The following CEP76 variants were observed in gnomAD, a reference collection of about 807,000 sequenced individuals.
CEP76 encodes centrosomal protein of 76 kDa.
CEP76 carries 55 observed loss-of-function variants against 83.3 expected under a neutral mutation model. The observed-to-expected ratio is 0.66, with a 90% confidence interval of 0.53 to 0.83. CEP76 has a LOEUF of 0.83. Ranked by LOEUF, CEP76 falls within the 40% of genes least tolerant of loss-of-function variation. The pLI is 0.00. For synonymous variants in CEP76, 270 were observed against 274.5 expected, an observed-to-expected ratio of 0.98 and a Z score of 0.16; for missense variants, 694 against 799.5, an observed-to-expected ratio of 0.87 and a Z score of 1.59.
In CEP76 at chr18:12,702,612, G is replaced by A. The variant is rs1384940155; in HGVS notation, c.-64C>T. ...CAGATGCCCTAACTGCGCGGCCCCGGCCGGGCCAGGGAGCGTTAGGAGCGA... is the reference window on the plus strand; with the variant it reads ...CAGATGCCCTAACTGCGCGGCCCCGACCGGGCCAGGGAGCGTTAGGAGCGA... On this transcript the variant is annotated 5_prime_UTR_variant, in exon 1 of 12. Coordinates refer to ENST00000262127, the MANE Select transcript of CEP76 (RefSeq NM_024899.4). 1.3e-6 allele frequency: 2 copies of A among 1,540,656 alleles called. No individual in the cohort carries two copies. Among genetic ancestry groups the A allele is most frequent in the Non-Finnish European group, 1.7e-6 (2 of 1,147,210 alleles).
intron 12 of CEP76, among the ~76,000 whole-genome samples, chr18:12,663,189 AT>A (rs2038734113): frequency 6.6e-6 from 1 of 152,202 alleles, no homozygotes; most frequent in African/African-American, 2.4e-5. Flanking sequence ...TTATAGTCAT[AT>A]TACATAATTC....
chr18:12,671,553 A>G (rs898876824), downstream of CEP76, among the ~76,000 whole-genome samples: 6 of 150,000 alleles, frequency 4.0e-5, no homozygotes, highest in African/African-American at 9.8e-5. Flanking sequence ...TTGAATTGCT[A>G]CTCTTTTTAA....
At chr18:12,673,737 C>T (rs1045824527) in intron 11 of CEP76, among the ~76,000 whole-genome samples, 3 of 151,866 alleles carry the variant, frequency 2.0e-5, no homozygotes, top group South Asian at 2.1e-4. Flanking sequence ...AAAAATTAGC[C>T]GCGTGTGGTG....
chr18:12,696,645 T>G (rs1048587218), intron 5 of CEP76, among the ~76,000 whole-genome samples: 3 of 152,188 alleles, frequency 2.0e-5, no homozygotes, highest in Non-Finnish European at 4.4e-5. Context: ...GTTTTCTCAT[T>G]TTATTAGCAA....
At chr18:12,679,869 C>T (rs1714465361) in intron 9 of CEP76, among the ~76,000 whole-genome samples, 1 of 151,834 alleles carries the variant, frequency 6.6e-6, no homozygotes, top group African/African-American at 2.4e-5. Flanking sequence ...TCAAGACCAG[C>T]CTAGACAACA....
At position 12,701,048 on chromosome 18, in the gene CEP76, A is replaced by C. The variant is rs978101237; in HGVS notation, c.129T>G (p.Asp43Glu). 1.2e-6 allele frequency: 2 copies of C among 1,613,660 alleles called. No homozygotes were observed. Among genetic ancestry groups the C allele is most frequent in the African/African-American group, 2.7e-5 (2 of 74,912 alleles). Residue 43 changes from aspartate to glutamate, a missense_variant, in exon 2 of 12, where the codon GAT becomes GAG. Transcript: ENST00000262127. ...AATCTTCTGTTGATAAATGCTGTTG[A>C]TCAGGTGCCAATTCTTCCCGTATAG... Reference protein sequence around the residue: ...AETIREELAPDQQHLSTEDLI... With the variant: ...AETIREELAPEQQHLSTEDLI...
intron 6 of CEP76, among the ~76,000 whole-genome samples, chr18:12,693,740 G>A (rs539062008): frequency 2.6e-5 from 4 of 151,888 alleles, no homozygotes; most frequent in African/African-American, 9.7e-5. Context: ...CCAAGATTGC[G>A]CCACTGCACT....
At chr18:12,680,891 A>G (rs2039323292) in intron 8 of CEP76, 63 bp from the exon 9 acceptor site, 1 of 1,371,164 alleles carries the variant, frequency 7.3e-7, no homozygotes, top group Non-Finnish European at 9.9e-7. Flanking sequence ...ACATACTTAA[A>G]TACTAAATTA....
At chr18:12,663,866 C>T (rs1423695220) in intron 12 of CEP76, among the ~76,000 whole-genome samples, 3 of 152,160 alleles carry the variant, frequency 2.0e-5, no homozygotes, top group Non-Finnish European at 2.9e-5. Flanking sequence ...AACTCCTGTG[C>T]TCAAAAGAAT....
In CEP76 at chr18:12,691,506, A is replaced by T. The variant is rs2039761494; in HGVS notation, c.805-19T>A. 2.6e-6 allele frequency: 4 copies of T among 1,554,764 alleles called. No individual in the cohort carries two copies. The highest frequency in any genetic ancestry group is 3.5e-6 in the Non-Finnish European group (4 of 1,146,742). On this transcript the variant is annotated intron_variant, in intron 6 of 11. Coordinates refer to ENST00000262127, the MANE Select transcript of CEP76 (RefSeq NM_024899.4). The stretch of plus-strand genomic sequence containing the variant: ...AAGCAAGCTTGAAATTGAAAAAAAT[A>T]TTTTTCAATTTCTATTCATTATCTT...
At chr18:12,669,933 G>GTTGAGGTGAGCCGAGA (rs1555641007), downstream of CEP76, among the ~76,000 whole-genome samples, 1 of 149,454 alleles carries the variant, frequency 6.7e-6, no homozygotes. Flanking sequence ...GGAGGCGGAG[G>GTTGAGGTGAGCCGAGA]TTGCGGTGAG....
rs555112579 is a variant in CEP76 at position 12,665,921 on chromosome 18, G to C, written c.*1728-3752C>G. On this transcript the variant is annotated intron_variant and NMD_transcript_variant, in intron 12 of 12. Transcript: ENST00000590143. ...CATGTTGGCCAGGCTGGTCTTGAAC[G>C]CCTGACCCCGTGATCTGCCCACCCT... Among the ~76,000 whole-genome samples the C allele has an allele frequency of 2.3e-3, 351 of 152,100 alleles. 3 individuals are homozygous for C. The highest frequency in any genetic ancestry group is 0.014 in the South Asian group (69 of 4,822).
At chr18:12,669,487 T>A (rs2038885652), downstream of CEP76, among the ~76,000 whole-genome samples, 1 of 152,052 alleles carries the variant, frequency 6.6e-6, no homozygotes. Flanking sequence ...TTCAATAGGT[T>A]CATGCTTGAC....
chr18:12,699,890 C>T lies in CEP76; in HGVS notation c.235G>A (p.Glu79Lys). The T allele has an allele frequency of 1.3e-6, 2 of 1,594,678 alleles. No homozygotes were observed. The highest frequency in any genetic ancestry group is 1.1e-5 in the South Asian group (1 of 87,476). Residue 79 changes from glutamate (E) to lysine (K), a missense_variant, in exon 3 of 12, where the codon GAA becomes AAA. Physicochemically the swap from Glu to Lys is moderately conservative, Grantham distance 56 (BLOSUM62 1). Transcript: ENST00000262127. ...GGTTGTTTTGGAGAGGAAGGGAGTT[C>T]TTGCTCAACACTGTCCTAGAAAGGC... The part of the protein sequence containing the change: ...LNFVTDSVEQ[E>K]LPSSPKQPIC...
At position 12,686,198 on chromosome 18, in the gene CEP76, T is replaced by C. The variant is rs2039534860; in HGVS notation, c.1122+64A>G. On this transcript the variant is annotated intron_variant, in intron 8 of 11. Coordinates refer to ENST00000262127, the MANE Select transcript of CEP76 (RefSeq NM_024899.4). ...TTTTTCTAAGGCATTCTTTTACAAA[T>C]GGATTACAAATTCAGAGTAACTATG... The C allele has an allele frequency of 2.3e-6, 3 of 1,327,750 alleles. No individual in the cohort carries two copies. In the East Asian group the frequency reaches 7.2e-5, roughly 32 times the overall value. 82.2% of individuals were successfully genotyped at this position (1,327,750 alleles called of 1,614,324 possible). A position where few individuals can be genotyped will look rare whatever the true frequency, so the allele number is the denominator to read the frequency against.
intron 11 of CEP76, among the ~76,000 whole-genome samples, chr18:12,674,167 C>T (rs532181762): frequency 1.5e-4 from 22 of 151,344 alleles, no homozygotes; most frequent in African/African-American, 4.4e-4. Context: ...CTGGGTGCAA[C>T]GGCTCACACC....
chr18:12,691,649 C>T (rs552734271), intron 6 of CEP76, among the ~76,000 whole-genome samples, 162 bp from the exon 7 acceptor site: 5 of 152,220 alleles, frequency 3.3e-5, no homozygotes, highest in African/African-American at 9.6e-5. Flanking sequence ...ACACTTACCC[C>T]TAGTACAATC....
intron 7 of CEP76, among the ~76,000 whole-genome samples, chr18:12,687,695 C>T (rs1036357648): frequency 7.9e-5 from 12 of 151,564 alleles, no homozygotes; most frequent in South Asian, 2.1e-4. Context: ...TCAAGTGATC[C>T]GCCCACCTCG....
chr18:12,662,285 T>G (rs1170736938), intron 12 of CEP76: 4 of 383,288 alleles, frequency 1.0e-5, no homozygotes, highest in Non-Finnish European at 2.0e-5. Flanking sequence ...CTATTTATAC[T>G]TTCAAAATGT....
Sources: gnomAD v4.1 joint callset for allele counts (sites outside exome capture counted in the v4.1 genomes callset) on GRCh38, gnomAD v4.1.1 for gene constraint, MANE v1.5 for transcripts, NCBI Gene and HGNC (gene_info 2026-07-23, HGNC 2026-07-21) for gene names.